Variants in CAMK1D observed in about 807,000 individuals in gnomAD.
CAMK1D encodes calcium/calmodulin-dependent protein kinase type 1D.
A neutral mutation model predicts 47.7 loss-of-function variants in CAMK1D; 9 were observed. The ratio of observed to expected loss-of-function variants is 0.19; its 90% CI spans 0.11 to 0.33. CAMK1D has a LOEUF of 0.33. CAMK1D is among the 10% of genes least tolerant of loss of function. CAMK1D has a pLI of 1.00. For synonymous variants in CAMK1D, 184 were observed against 184.9 expected (o/e 0.99, Z 0.04); for missense variants, 291 against 488.7 (o/e 0.60, Z 3.81).
chr10:12,785,298 C>T (rs1219436947), intron 5 of CAMK1D, among the ~76,000 whole-genome samples: 1 of 152,180 alleles, frequency 6.6e-6, no homozygotes, highest in Non-Finnish European at 1.5e-5. Flanking sequence ...TAGGCCCTTT[C>T]CTGCTTTGTC....
intron 3 of CAMK1D, among the ~76,000 whole-genome samples, chr10:12,668,697 T>G (rs569279387): frequency 6.6e-6 from 1 of 152,176 alleles, no homozygotes; most frequent in Admixed American, 6.5e-5. Flanking sequence ...TTTTATGAGA[T>G]AAAGTTCAAG....
intron 1 of CAMK1D, among the ~76,000 whole-genome samples, chr10:12,460,782 G>A (rs186861384): frequency 4.2e-4 from 64 of 151,832 alleles, no homozygotes; most frequent in African/African-American, 1.3e-3. Context: ...GCCCAGGCTC[G>A]TCTTGAACTC....
chr10:12,482,563 G>GA (rs1834095714), intron 1 of CAMK1D, among the ~76,000 whole-genome samples: 2 of 152,092 alleles, frequency 1.3e-5, no homozygotes, highest in Non-Finnish European at 2.9e-5. Context: ...GAATAGCAGA[G>GA]AAAATGAAAA....
chr10:12,705,390 G>A (rs1489099234), intron 3 of CAMK1D, among the ~76,000 whole-genome samples: 3 of 152,054 alleles, frequency 2.0e-5, no homozygotes, highest in Non-Finnish European at 2.9e-5. Context: ...GAACCCGGGG[G>A]TCAGAGGTTG....
At chr10:12,761,483 T>G (rs534839633) in intron 4 of CAMK1D, among the ~76,000 whole-genome samples, 1 of 151,594 alleles carries the variant, frequency 6.6e-6, no homozygotes, top group Non-Finnish European at 1.5e-5. Flanking sequence ...ACACACTGTA[T>G]AAAAGAAAGA....
intron 5 of CAMK1D, among the ~76,000 whole-genome samples, chr10:12,774,279 A>G (rs1391406519): frequency 6.8e-6 from 1 of 146,916 alleles, no homozygotes; most frequent in African/African-American, 2.5e-5. Flanking sequence ...GGTGGTGGCA[A>G]TTTTAACTAC....
chr10:12,820,956 A>G (rs1832992097), intron 8 of CAMK1D, among the ~76,000 whole-genome samples: 1 of 152,262 alleles, frequency 6.6e-6, no homozygotes, highest in Admixed American at 6.5e-5. Flanking sequence ...GGTTCTGAGC[A>G]TTCATCTCTA....
intron 1 of CAMK1D, among the ~76,000 whole-genome samples, chr10:12,443,689 G>A (rs1486531549): frequency 1.3e-5 from 2 of 152,010 alleles, no homozygotes; most frequent in Non-Finnish European, 2.9e-5. Context: ...GAGTAAAGTG[G>A]AGTGATCTTG....
At chr10:12,518,313 T>A (rs1365206850) in intron 1 of CAMK1D, among the ~76,000 whole-genome samples, 3 of 152,238 alleles carry the variant, frequency 2.0e-5, no homozygotes, top group Non-Finnish European at 4.4e-5. Context: ...AGAGACCATA[T>A]GACCAACAAA....
chr10:12,725,966 A>G (rs541511863), intron 3 of CAMK1D, among the ~76,000 whole-genome samples: 1 of 152,096 alleles, frequency 6.6e-6, no homozygotes, highest in Admixed American at 6.5e-5. Context: ...CATGTTGGCC[A>G]GGCTGGTTTC....
At chr10:12,669,453 A>G (rs1005597663) in intron 3 of CAMK1D, among the ~76,000 whole-genome samples, 1 of 152,232 alleles carries the variant, frequency 6.6e-6, no homozygotes, top group Non-Finnish European at 1.5e-5. Context: ...AGGTTTATTT[A>G]TATAAAAAAT....
intron 1 of CAMK1D, among the ~76,000 whole-genome samples, chr10:12,362,743 C>T (rs1163822116): frequency 1.3e-5 from 2 of 152,178 alleles, no homozygotes; most frequent in Non-Finnish European, 2.9e-5. Context: ...ATCTCCTGAC[C>T]TCCTGATCTG....
At chr10:12,728,677 G>A (rs1408357447) in intron 3 of CAMK1D, among the ~76,000 whole-genome samples, 3 of 152,292 alleles carry the variant, frequency 2.0e-5, no homozygotes, top group African/African-American at 2.4e-5. Context: ...GAGGCAGATC[G>A]GTTTCTCTGG....
intron 1 of CAMK1D, among the ~76,000 whole-genome samples, chr10:12,372,367 G>C (rs1340310560): frequency 6.6e-6 from 1 of 152,198 alleles, no homozygotes; most frequent in African/African-American, 2.4e-5. Context: ...GAGTAACTTG[G>C]CCAAGGTCAC....
chr10:12,610,957 A>G (rs1838600796), intron 2 of CAMK1D, among the ~76,000 whole-genome samples: 1 of 152,206 alleles, frequency 6.6e-6, no homozygotes, highest in African/African-American at 2.4e-5. Context: ...AATAGCAGCA[A>G]ACACTTACAT....
At chr10:12,409,261 T>A (rs1839568540) in intron 1 of CAMK1D, among the ~76,000 whole-genome samples, 1 of 152,014 alleles carries the variant, frequency 6.6e-6, no homozygotes, top group Non-Finnish European at 1.5e-5. Context: ...AGACCCCTCA[T>A]GGTCCCTATT....
intron 1 of CAMK1D, among the ~76,000 whole-genome samples, chr10:12,471,245 G>A (rs959728218): frequency 6.6e-6 from 1 of 152,192 alleles, no homozygotes; most frequent in African/African-American, 2.4e-5. Flanking sequence ...AATCAGCCCT[G>A]CTCTGGATCA....
At chr10:12,451,826 C>G (rs1441726660) in intron 1 of CAMK1D, among the ~76,000 whole-genome samples, 2 of 151,900 alleles carry the variant, frequency 1.3e-5, no homozygotes, top group East Asian at 1.9e-4. Context: ...GGACAGGGAG[C>G]TAAGGCTTCT....
chr10:12,486,010 CAG>C (rs1191300971), intron 1 of CAMK1D, among the ~76,000 whole-genome samples: 2 of 152,112 alleles, frequency 1.3e-5, no homozygotes, highest in Admixed American at 6.5e-5. Flanking sequence ...ACAAGATTAG[CAG>C]AGAGTCTCGT....
Sources: allele counts gnomAD v4.1 joint callset (sites outside exome capture counted in the v4.1 genomes callset), GRCh38; gene constraint gnomAD v4.1.1; transcripts MANE v1.5; gene names NCBI Gene and HGNC (gene_info 2026-07-23, HGNC 2026-07-21).